The following REEP5 variants were observed in gnomAD, a reference collection of about 807,000 sequenced individuals.
The protein encoded by REEP5 is receptor accessory protein 5, also known as receptor expression-enhancing protein 5.
REEP5 carries 24 observed loss-of-function variants against 22.4 expected under a neutral mutation model. The ratio of observed to expected loss-of-function variants is 1.07; its 90% CI spans 0.78 to 1.51. The LOEUF (loss-of-function observed/expected upper bound fraction) is 1.51. REEP5 is among the 40% of genes most tolerant of loss of function. The probability of loss-of-function intolerance (pLI) is 0.00; values close to 1 mark genes in which losing one functional copy is unlikely to be tolerated. For synonymous variants in REEP5, 103 were observed against 88.6 expected (o/e 1.16, Z -0.92); for missense variants, 252 against 233.0 (o/e 1.08, Z -0.53).
At chr5:112,879,237 T>C (rs1767989737) in intron 4 of REEP5, among the ~76,000 whole-genome samples, 1 of 148,408 alleles carries the variant, frequency 6.7e-6, no homozygotes, top group African/African-American at 2.5e-5. Flanking sequence ...TGATGACAAC[T>C]AGGTCATCAT....
At chr5:112,882,660 C>T (rs746595292) in intron 4 of REEP5, among the ~76,000 whole-genome samples, 2 of 152,188 alleles carry the variant, frequency 1.3e-5, no homozygotes, top group African/African-American at 2.4e-5. Context: ...CAGCCAAACT[C>T]GCTTATGTAG....
chr5:112,920,604 G>A (rs1047223609), intron 2 of REEP5, among the ~76,000 whole-genome samples: 8 of 152,150 alleles, frequency 5.3e-5, no homozygotes, highest in African/African-American at 1.9e-4. Flanking sequence ...TAACCAAGGA[G>A]CTATATCATG....
At chr5:112,889,819 GA>G (rs1388857226) in intron 3 of REEP5, among the ~76,000 whole-genome samples, 3 of 130,080 alleles carry the variant, frequency 2.3e-5, no homozygotes, top group African/African-American at 3.5e-5. Context: ...ACATCTCTAG[GA>G]AAAAAAAAAT....
rs142283616 is a variant in REEP5, at chr5:112,888,949, G to C, written c.352-1766C>G. Among the ~76,000 whole-genome samples, 154 of 150,928 alleles carry C rather than the reference G, an allele frequency of 1.0e-3. 12 individuals are homozygous for C. Among genetic ancestry groups the C allele is most frequent in the African/African-American group, 3.5e-3 (144 of 40,658 alleles). ...CATGGGGGTGGTTTCCTGCCATACT[G>C]TTCTCATGGTAGTGAATAAGTCTCA... On this transcript the variant is annotated intron_variant, in intron 3 of 4. Transcript: ENST00000379638.
intron 3 of REEP5, among the ~76,000 whole-genome samples, 161 bp downstream of exon 3, chr5:112,902,219 T>G (rs34472366): frequency 0.11 from 3,463 of 31,460 alleles, 54 homozygotes; most frequent in African/African-American, 0.18. Context: ...CATTTTTTTG[T>G]TTTTGTTTTT....
At chr5:112,886,191 G>A (rs150290297) in intron 4 of REEP5, among the ~76,000 whole-genome samples, 154 of 152,308 alleles carry the variant, frequency 1.0e-3, no homozygotes, top group African/African-American at 3.5e-3. Context: ...CATTCAAAAC[G>A]TCACAGAGTG....
intron 3 of REEP5, among the ~76,000 whole-genome samples, chr5:112,888,453 T>G (rs190885988): frequency 6.6e-6 from 1 of 152,310 alleles, no homozygotes; most frequent in Non-Finnish European, 1.5e-5. Flanking sequence ...CTGAGAGTCT[T>G]GCTCTGTCAC....
intron 2 of REEP5, among the ~76,000 whole-genome samples, chr5:112,914,603 C>A (rs1769191369): frequency 6.6e-6 from 1 of 152,130 alleles, no homozygotes; most frequent in African/African-American, 2.4e-5. Context: ...TCAATAAAAC[C>A]AGTGGTTCTA....
intron 3 of REEP5, chr5:112,891,558 C>T (rs1003692822): frequency 2.6e-6 from 4 of 1,538,376 alleles, no homozygotes; most frequent in Middle Eastern, 1.7e-4. Context: ...AGTAGAATCA[C>T]TGACAGTGGC....
intron 3 of REEP5, chr5:112,892,683 T>G: frequency 6.2e-7 from 1 of 1,614,046 alleles, no homozygotes; most frequent in South Asian, 1.1e-5. Flanking sequence ...GGGAAGCTAA[T>G]AGAGACATCT....
intron 2 of REEP5, among the ~76,000 whole-genome samples, chr5:112,905,739 G>C (rs1457795398): frequency 6.6e-6 from 1 of 151,888 alleles, no homozygotes; most frequent in Non-Finnish European, 1.5e-5. Flanking sequence ...TCCCACCTCA[G>C]CCTCTCCAGT....
At chr5:112,891,491 T>C in intron 3 of REEP5, 1 of 1,061,264 alleles carries the variant, frequency 9.4e-7, no homozygotes, top group Non-Finnish European at 1.3e-6. Flanking sequence ...TGAAAGTAAT[T>C]TGTAATATAT....
At chr5:112,908,115 T>G (rs867972336) in intron 2 of REEP5, among the ~76,000 whole-genome samples, 17 of 149,840 alleles carry the variant, frequency 1.1e-4, no homozygotes, top group Non-Finnish European at 2.5e-4. Flanking sequence ...TTTTTTTTTT[T>G]TTTTGATGGA....
At chr5:112,905,262 C>T (rs989336003) in intron 2 of REEP5, among the ~76,000 whole-genome samples, 1 of 152,088 alleles carries the variant, frequency 6.6e-6, no homozygotes, top group Non-Finnish European at 1.5e-5. Flanking sequence ...GGTTTCTGGC[C>T]GGGCACAATG....
At chr5:112,913,113 G>A (rs1373910893) in intron 2 of REEP5, among the ~76,000 whole-genome samples, 1 of 152,122 alleles carries the variant, frequency 6.6e-6, no homozygotes, top group Non-Finnish European at 1.5e-5. Context: ...AGACCAGCCT[G>A]GCCAACATGG....
chr5:112,910,571 G>A (rs964028649), intron 2 of REEP5, among the ~76,000 whole-genome samples: 1 of 152,148 alleles, frequency 6.6e-6, no homozygotes, highest in African/African-American at 2.4e-5. Flanking sequence ...TTGATCTGGA[G>A]AGAGTATCTG....
chr5:112,903,345 C>T (rs1768888980), intron 2 of REEP5, among the ~76,000 whole-genome samples: 1 of 152,114 alleles, frequency 6.6e-6, no homozygotes, highest in African/African-American at 2.4e-5. Flanking sequence ...GCCTATGAAA[C>T]AGGTTAACTA....
intron 2 of REEP5, among the ~76,000 whole-genome samples, chr5:112,910,790 C>G (rs114259459): frequency 1.3e-4 from 20 of 152,352 alleles, no homozygotes; most frequent in Non-Finnish European, 2.9e-4. Context: ...ATAGCAGACA[C>G]TGTTCCTTGC....
intron 3 of REEP5, chr5:112,892,519 G>C: frequency 5.0e-6 from 8 of 1,614,172 alleles, no homozygotes; most frequent in Non-Finnish European, 5.9e-6. Flanking sequence ...TCTGTTTAAC[G>C]GACGATGGTA....
Sources: allele counts gnomAD v4.1 joint callset (sites outside exome capture counted in the v4.1 genomes callset), GRCh38; gene constraint gnomAD v4.1.1; transcripts MANE v1.5; gene names NCBI Gene and HGNC (gene_info 2026-07-23, HGNC 2026-07-21).